EML1: variants seen among roughly 807,000 people sequenced by gnomAD.
EML1 encodes EMAP like 1.
A neutral mutation model predicts 110.4 loss-of-function variants in EML1; 27 were observed. The observed-to-expected ratio is 0.24, with a 90% CI of 0.18 to 0.34. The LOEUF (loss-of-function observed/expected upper bound fraction) is 0.34, where lower values mean the gene tolerates loss of function less well. Ranked by LOEUF, EML1 falls within the 10% of genes least tolerant of loss-of-function variation. The pLI is 1.00. For missense variants in EML1, 741 were observed against 1,030.9 expected (o/e 0.72, Z 3.85); for synonymous variants, 344 against 385.8 (o/e 0.89, Z 1.27).
intron 1 of EML1, among the ~76,000 whole-genome samples, chr14:99,758,800 T>G (rs973646970): frequency 6.6e-6 from 1 of 152,222 alleles, no homozygotes; most frequent in Non-Finnish European, 1.5e-5. Context: ...AAGGACTTTC[T>G]GTAAAGTGCA....
intron 1 of EML1, among the ~76,000 whole-genome samples, chr14:99,840,696 C>G (rs564000939): frequency 6.6e-6 from 1 of 152,100 alleles, no homozygotes; most frequent in East Asian, 1.9e-4. Context: ...CTTTAACCTC[C>G]GGGAATAGCA....
intron 1 of EML1, among the ~76,000 whole-genome samples, chr14:99,849,885 T>C (rs2058764782): frequency 6.6e-6 from 1 of 151,618 alleles, no homozygotes; most frequent in African/African-American, 2.4e-5. Flanking sequence ...TTTGTGCTAT[T>C]TCAGCCATTT....
chr14:99,809,574 G>C, intron 1 of EML1: 1 of 453,718 alleles, frequency 2.2e-6, no homozygotes, highest in Admixed American at 2.4e-5. Context: ...GTCCATCCCA[G>C]CCCTGGGTGT....
intron 1 of EML1, among the ~76,000 whole-genome samples, chr14:99,756,711 G>A (rs530597958): frequency 3.9e-5 from 6 of 152,178 alleles, no homozygotes; most frequent in East Asian, 1.9e-4. Context: ...ACACCTTCCC[G>A]AGCCCCCACA....
chr14:99,768,153 T>TGG (rs1566856267), upstream of EML1, among the ~76,000 whole-genome samples: 2 of 152,220 alleles, frequency 1.3e-5, no homozygotes, highest in African/African-American at 4.8e-5. Context: ...AGGGTGCACA[T>TGG]TGAATGTAAG....
intron 10 of EML1, 121 bp downstream of exon 10, chr14:99,907,854 C>T: frequency 1.2e-6 from 1 of 842,732 alleles, no homozygotes; most frequent in Non-Finnish European, 1.9e-6. Context: ...ATGACGCCTT[C>T]ACCTTAGAAT....
chr14:99,755,108 G>A (rs879482073), intron 1 of EML1, among the ~76,000 whole-genome samples: 4 of 152,280 alleles, frequency 2.6e-5, no homozygotes, highest in Non-Finnish European at 5.9e-5. Flanking sequence ...GTCAGGCGTT[G>A]GTGCCTTATC....
intron 3 of EML1, among the ~76,000 whole-genome samples, chr14:99,871,105 C>T (rs2059194301): frequency 1.3e-5 from 2 of 152,088 alleles, no homozygotes; most frequent in African/African-American, 2.4e-5. Context: ...TACAGGCGCA[C>T]ACCACCATAT....
intron 3 of EML1, among the ~76,000 whole-genome samples, chr14:99,869,120 A>G (rs534957339): frequency 6.6e-6 from 1 of 152,338 alleles, no homozygotes; most frequent in East Asian, 1.9e-4. Context: ...AAATACATGC[A>G]TGCCTCATTT....
At chr14:99,820,892 A>G (rs1045517523) in intron 1 of EML1, among the ~76,000 whole-genome samples, 1 of 152,102 alleles carries the variant, frequency 6.6e-6, no homozygotes, top group Non-Finnish European at 1.5e-5. Context: ...GAGATTTTTC[A>G]AAAGCCTACA....
At chr14:99,882,600 G>A (rs1232557507) in intron 4 of EML1, among the ~76,000 whole-genome samples, 1 of 143,524 alleles carries the variant, frequency 7.0e-6, no homozygotes, top group African/African-American at 2.7e-5. Flanking sequence ...TAAAAGAATT[G>A]TCTTGGGCCA....
Position 99,939,057 on chromosome 14 carries a change from A to G in EML1, c.2192-140A>G, listed in dbSNP as rs2060526750. On this transcript the variant is annotated intron_variant, in intron 20 of 21. Coordinates refer to ENST00000262233, the MANE Select transcript of EML1 (RefSeq NM_004434.3). The surrounding 1 kb of genome is among the most constrained non-coding windows in gnomAD (Gnocchi z 4.2). ...CAGCGAGAGGCCAGGAACTGAGGCT[A>G]TTGTGCTTTTTTGACCCTTGTTTCT... 6 of 1,287,596 alleles carry G rather than the reference A, an allele frequency of 4.7e-6. No homozygotes were observed. Among genetic ancestry groups the G allele is most frequent in the South Asian group, 3.0e-5 (2 of 66,990 alleles). The allele number at this position is 1,287,596 out of a possible 1,614,324, so 79.8% of individuals were successfully genotyped here. A position where few individuals can be genotyped will look rare whatever the true frequency, so the allele number is the denominator to read the frequency against.
chr14:99,888,565 C>T (rs936115094), intron 4 of EML1, among the ~76,000 whole-genome samples: 2 of 152,148 alleles, frequency 1.3e-5, no homozygotes, highest in African/African-American at 4.8e-5. Context: ...TAAATTTAAT[C>T]ATATATGTGA....
In EML1 at chr14:99,807,030, A is replaced by C. The variant is rs76218429; in HGVS notation, c.67+13487A>C. ...TATCTCTGAGTTTTTGTTTTTTTTT[A>C]AGGATTGCTTTTGTACGTTTGGCAC... On this transcript the variant is annotated intron_variant, in intron 1 of 21. Coordinates refer to ENST00000262233, the MANE Select transcript of EML1 (RefSeq NM_004434.3). Among the ~76,000 whole-genome samples the C allele has an allele frequency of 1.9e-4, 29 of 151,942 alleles. No homozygotes were observed. The East Asian group carries it at 5.2e-3, about 27-fold the overall frequency.
At chr14:99,864,451 A>G (rs1219297861) in intron 2 of EML1, among the ~76,000 whole-genome samples, 8 of 152,202 alleles carry the variant, frequency 5.3e-5, no homozygotes, top group Admixed American at 3.9e-4. Flanking sequence ...TGCATTTTAA[A>G]TTTAGGTTTA....
chr14:99,895,765 T>TAA (rs3071434), intron 6 of EML1, among the ~76,000 whole-genome samples: 72,125 of 147,708 alleles, frequency 0.49, 19,478 homozygotes, highest in East Asian at 0.87. Context: ...CATCCTACTT[T>TAA]AAAAAAAAAA....
chr14:99,847,040 T>C (rs2058717778), intron 1 of EML1, among the ~76,000 whole-genome samples: 1 of 151,284 alleles, frequency 6.6e-6, no homozygotes, highest in South Asian at 2.1e-4. Context: ...CCCATGTATT[T>C]TGCTATGTTG....
At chr14:99,759,104 G>A (rs1439120985) in intron 1 of EML1, among the ~76,000 whole-genome samples, 1 of 152,236 alleles carries the variant, frequency 6.6e-6, no homozygotes, top group East Asian at 1.9e-4. Context: ...GGGTGCTGAG[G>A]TGTAGTGGCC....
intron 12 of EML1, 64 bp from the exon 13 acceptor site, chr14:99,911,358 T>G: frequency 6.6e-7 from 1 of 1,522,494 alleles, no homozygotes; most frequent in South Asian, 1.3e-5. Flanking sequence ...TCAGATGAGA[T>G]TAGAAAATGG....
Sources: allele counts gnomAD v4.1 joint callset (sites outside exome capture counted in the v4.1 genomes callset), GRCh38; gene constraint gnomAD v4.1.1; non-coding constraint Gnocchi (gnomAD v3.1); transcripts MANE v1.5; gene names NCBI Gene and HGNC (gene_info 2026-07-23, HGNC 2026-07-21).